SLC22A4: variants seen among roughly 807,000 people sequenced by gnomAD.
The protein encoded by SLC22A4 is ET transporter.
Under a neutral mutation model 56.6 loss-of-function variants are expected in SLC22A4, and 39 were observed. The ratio of observed to expected loss-of-function variants is 0.69; its 90% CI spans 0.53 to 0.90. The LOEUF is 0.90. Ranked by LOEUF, SLC22A4 falls within the 40% of genes least tolerant of loss-of-function variation. The probability of loss-of-function intolerance (pLI) is 0.00; values close to 1 mark genes in which losing one functional copy is unlikely to be tolerated. For synonymous variants in SLC22A4, 241 were observed against 281.4 expected (o/e 0.86, Z 1.44); for missense variants, 594 against 696.5 (o/e 0.85, Z 1.66).
At chr5:132,295,566 A>G in intron 1 of SLC22A4, 1 of 305,444 alleles carries the variant, frequency 3.3e-6, no homozygotes. Context: ...AAGGAAGCAC[A>G]GAAGGCGAAA....
intron 5 of SLC22A4, among the ~76,000 whole-genome samples, chr5:132,328,832 T>TAC (rs1479801329): frequency 7.8e-3 from 294 of 37,844 alleles, no homozygotes; most frequent in African/African-American, 0.024. Context: ...TTTATATATA[T>TAC]ATATATACAC....
At chr5:132,314,855 A>G (rs1561539212) in intron 3 of SLC22A4, among the ~76,000 whole-genome samples, 1 of 152,208 alleles carries the variant, frequency 6.6e-6, no homozygotes. Context: ...GCTCAGCCTC[A>G]GTGTCTGCAG....
At position 132,294,414 on chromosome 5, in the gene SLC22A4, C is replaced by T. The variant is rs1749723305; in HGVS notation, c.-203C>T. On this transcript the variant is annotated 5_prime_UTR_variant, in exon 1 of 10. Coordinates refer to ENST00000200652, the MANE Select transcript of SLC22A4 (RefSeq NM_003059.3). The surrounding 1 kb of genome is among the most constrained non-coding windows in gnomAD (Gnocchi z 5.6). The stretch of plus-strand genomic sequence containing the variant: ...GTCCCAAGTGTACAGTGGCATCAAG[C>T]TCAGCGCGAGCTCCCGGGAACGCTC... 2 of 672,414 alleles carry T rather than the reference C, an allele frequency of 3.0e-6. No individual in the cohort carries two copies. Among genetic ancestry groups the T allele is most frequent in the Non-Finnish European group, 2.5e-6 (1 of 392,314 alleles). 41.7% of individuals were successfully genotyped at this position (672,414 alleles called of 1,614,324 possible). A position where few individuals can be genotyped will look rare whatever the true frequency, so the allele number is the denominator to read the frequency against.
At chr5:132,322,814 A>G (rs1750583244) in intron 4 of SLC22A4, among the ~76,000 whole-genome samples, 2 of 152,210 alleles carry the variant, frequency 1.3e-5, no homozygotes, top group African/African-American at 4.8e-5. Flanking sequence ...TTTATCTGCT[A>G]TGTCTCGAAG....
At chr5:132,309,443 C>T (rs986595925) in intron 1 of SLC22A4, among the ~76,000 whole-genome samples, 3 of 152,234 alleles carry the variant, frequency 2.0e-5, no homozygotes, top group Non-Finnish European at 4.4e-5. Context: ...TCCTGTGCTG[C>T]ATGATGCTGA....
chr5:132,313,492 G>T, intron 2 of SLC22A4, 122 bp from the exon 3 acceptor site: 2 of 861,582 alleles, frequency 2.3e-6, no homozygotes, highest in South Asian at 2.7e-5. Context: ...GGATGTGACA[G>T]AGAAAAAAGT....
At chr5:132,326,325 C>G (rs763855778) in intron 4 of SLC22A4, among the ~76,000 whole-genome samples, 1 of 152,176 alleles carries the variant, frequency 6.6e-6, no homozygotes, top group African/African-American at 2.4e-5. Flanking sequence ...AACACAAAAC[C>G]TATTTTATAA....
chr5:132,296,979 C>T (rs964878345), intron 1 of SLC22A4, among the ~76,000 whole-genome samples: 1 of 152,174 alleles, frequency 6.6e-6, no homozygotes, highest in African/African-American at 2.4e-5. Context: ...TTTTTGGCAG[C>T]TTTTCCCTTC....
chr5:132,337,199 G>T (rs1751049652), intron 8 of SLC22A4, among the ~76,000 whole-genome samples: 2 of 150,964 alleles, frequency 1.3e-5, no homozygotes, highest in Admixed American at 1.3e-4. Flanking sequence ...TCTACATATT[G>T]TGCCAATTAT....
chr5:132,305,910 C>T (rs577160418), intron 1 of SLC22A4, among the ~76,000 whole-genome samples: 4 of 152,312 alleles, frequency 2.6e-5, no homozygotes, highest in South Asian at 4.1e-4. Flanking sequence ...TTCCCATGTT[C>T]TGTTCATGGA....
intron 1 of SLC22A4, among the ~76,000 whole-genome samples, chr5:132,296,930 C>T (rs1749792441): frequency 6.6e-6 from 1 of 152,212 alleles, no homozygotes; most frequent in African/African-American, 2.4e-5. Context: ...TAAGGATGTA[C>T]ATCATCACAC....
chr5:132,316,682 A>T (rs1030943664), intron 3 of SLC22A4, among the ~76,000 whole-genome samples: 3 of 152,188 alleles, frequency 2.0e-5, no homozygotes, highest in Admixed American at 2.0e-4. Context: ...TGATGTCTAG[A>T]GGTTCCTCCT....
intron 5 of SLC22A4, among the ~76,000 whole-genome samples, chr5:132,331,206 G>T (rs771816424): frequency 2.0e-5 from 3 of 152,052 alleles, no homozygotes; most frequent in African/African-American, 4.8e-5. Flanking sequence ...GGTGGTGCTC[G>T]CCTGTAATCC....
chr5:132,343,859 A>C lies in SLC22A4; in HGVS notation c.*24A>C, dbSNP rs1751290231. 2.0e-6 allele frequency: 3 copies of C among 1,482,716 alleles called. No homozygotes were observed. In the East Asian group the frequency reaches 6.8e-5, roughly 34 times the overall value. 91.8% of individuals were successfully genotyped at this position (1,482,716 alleles called of 1,614,324 possible). ...GAAAAAATATCTACCCCATTTGGTGAAGTGAAAAACAGAAAAATAAGACCC... is the reference window on the plus strand; with the variant it reads ...GAAAAAATATCTACCCCATTTGGTGCAGTGAAAAACAGAAAAATAAGACCC... On this transcript the variant is annotated 3_prime_UTR_variant, in exon 10 of 10. Coordinates refer to ENST00000200652, the MANE Select transcript of SLC22A4 (RefSeq NM_003059.3).
At chr5:132,303,853 C>T (rs924352863) in intron 1 of SLC22A4, among the ~76,000 whole-genome samples, 13 of 152,206 alleles carry the variant, frequency 8.5e-5, no homozygotes, top group African/African-American at 2.9e-4. Flanking sequence ...GCCTACCTCT[C>T]TACAACAGGA....
chr5:132,296,033 G>A (rs1034007568), intron 1 of SLC22A4, among the ~76,000 whole-genome samples: 1 of 152,228 alleles, frequency 6.6e-6, no homozygotes, highest in African/African-American at 2.4e-5. Flanking sequence ...GTGTTACTGA[G>A]AAGGCTAACA....
chr5:132,330,162 T>C (rs963236995), intron 5 of SLC22A4, among the ~76,000 whole-genome samples: 3 of 152,184 alleles, frequency 2.0e-5, no homozygotes, highest in Non-Finnish European at 4.4e-5. Context: ...TGTGTAAGTG[T>C]CTGATCATTC....
At chr5:132,329,062 C>T (rs1280206085) in intron 5 of SLC22A4, among the ~76,000 whole-genome samples, 1 of 151,964 alleles carries the variant, frequency 6.6e-6, no homozygotes, top group Admixed American at 6.6e-5. Flanking sequence ...CCTCAACCTC[C>T]CAAGCTGGGA....
intron 1 of SLC22A4, among the ~76,000 whole-genome samples, chr5:132,309,565 G>A (rs1426620073): frequency 6.6e-6 from 1 of 152,230 alleles, no homozygotes; most frequent in Non-Finnish European, 1.5e-5. Flanking sequence ...CCCCTTCCCA[G>A]TGTCCCCATT....
Sources: gnomAD v4.1 joint callset for allele counts (sites outside exome capture counted in the v4.1 genomes callset) on GRCh38, gnomAD v4.1.1 for gene constraint, Gnocchi (gnomAD v3.1) non-coding constraint, MANE v1.5 for transcripts, NCBI Gene and HGNC (gene_info 2026-07-23, HGNC 2026-07-21) for gene names.